NTAN1: variants seen among roughly 807,000 people sequenced by gnomAD.
NTAN1 encodes the protein protein N-terminal asparagine amidohydrolase.
Under a neutral mutation model 41.9 loss-of-function variants are expected in NTAN1, and 32 were observed. The ratio of observed to expected loss-of-function variants is 0.76; its 90% confidence interval spans 0.58 to 1.03. NTAN1 has a LOEUF of 1.03. Ranked by LOEUF, NTAN1 falls within the 50% of genes least tolerant of loss-of-function variation. The pLI is 0.00. For synonymous variants in NTAN1, 140 were observed against 139.5 expected (o/e 1.00, Z -0.03); for missense variants, 377 against 377.5 (o/e 1.00, Z 0.01).
rs1215214603 is a variant in NTAN1 at position 15,056,073 on chromosome 16, T to TCGTCCTGCCCCGCCC, written c.-103_-102insGGGCGGGGCAGGACG. ...CGCCCCTCGGGCCGCGCGTCCCGCCTCGTCCTGCCCCGCCCCACCGCGGGC... is the reference window on the plus strand; with the variant it reads ...CGCCCCTCGGGCCGCGCGTCCCGCCTCGTCCTGCCCCGCCCCGTCCTGCCCCGCCCCACCGCGGGC... On this transcript the variant is annotated 5_prime_UTR_variant, in exon 1 of 10. Coordinates refer to ENST00000287706, the MANE Select transcript of NTAN1 (RefSeq NM_173474.4). 7.0e-4 allele frequency: 256 copies of TCGTCCTGCCCCGCCC among 367,456 alleles called. 5 individuals are homozygous for TCGTCCTGCCCCGCCC. In the East Asian group the frequency reaches 0.033, roughly 48 times the overall value. 22.8% of individuals were successfully genotyped at this position (367,456 alleles called of 1,614,324 possible). A position where few individuals can be genotyped will look rare whatever the true frequency, so the allele number is the denominator to read the frequency against.
At chr16:15,042,691 A>AG (rs1278110184) in intron 5 of NTAN1, among the ~76,000 whole-genome samples, 5 of 151,420 alleles carry the variant, frequency 3.3e-5, no homozygotes, top group Non-Finnish European at 7.4e-5. Flanking sequence ...TATTTCCACA[A>AG]GGGGAATTAC....
At chr16:15,040,186 T>G in intron 7 of NTAN1, 120 bp from the exon 8 acceptor site, 1 of 538,918 alleles carries the variant, frequency 1.9e-6, no homozygotes, top group Non-Finnish European at 3.3e-6. Flanking sequence ...GAATGGCTCC[T>G]AAGTATCTGG....
chr16:15,040,199 T>A (rs192292753), intron 7 of NTAN1, 133 bp from the exon 8 acceptor site: 5 of 477,550 alleles, frequency 1.0e-5, no homozygotes, highest in Middle Eastern at 2.9e-4. Context: ...GTATCTGGAC[T>A]TCCCCCTCCC....
chr16:15,038,763 C>T (rs2043666941), intron 8 of NTAN1, 76 bp from the exon 9 acceptor site: 2 of 740,974 alleles, frequency 2.7e-6, no homozygotes, highest in Non-Finnish European at 4.7e-6. Context: ...ACGCAAGCTC[C>T]AGTGTAGTCC....
chr16:15,039,316 C>T (rs2043701048), intron 8 of NTAN1, among the ~76,000 whole-genome samples: 1 of 152,212 alleles, frequency 6.6e-6, no homozygotes, highest in Admixed American at 6.5e-5. Flanking sequence ...CGAATCCAAA[C>T]ACATTTCCCA....
chr16:15,042,937 G>C (rs2043888159), intron 5 of NTAN1, among the ~76,000 whole-genome samples: 1 of 140,096 alleles, frequency 7.1e-6, no homozygotes, highest in Non-Finnish European at 1.5e-5. Flanking sequence ...TTTAGCTCTT[G>C]ATGCCCATGC....
At chr16:15,039,125 AAAG>A (rs879290995) in intron 8 of NTAN1, among the ~76,000 whole-genome samples, 1 of 152,244 alleles carries the variant, frequency 6.6e-6, no homozygotes, top group African/African-American at 2.4e-5. Flanking sequence ...TGCCCCATCA[AAAG>A]AAGAAGCTAA....
chr16:15,049,622 C>T (rs1457877374), intron 1 of NTAN1, among the ~76,000 whole-genome samples: 2 of 151,788 alleles, frequency 1.3e-5, no homozygotes, highest in African/African-American at 2.4e-5. Context: ...AACTGGGTTT[C>T]GCCATGTTGG....
rs749557348 is a variant in NTAN1 at position 15,038,001 on chromosome 16, G to C, written c.*30C>G. 3 of 1,572,974 alleles carry C rather than the reference G, an allele frequency of 1.9e-6. No homozygotes were observed. Among genetic ancestry groups the C allele is most frequent in the Non-Finnish European group, 2.6e-6 (3 of 1,147,900 alleles). ...CCCCACCAATGGTCTGTCAGGCCAAGAAGGTGCTTTCTTTGGTAATTCATG... is the reference window on the plus strand; with the variant it reads ...CCCCACCAATGGTCTGTCAGGCCAACAAGGTGCTTTCTTTGGTAATTCATG... On this transcript the variant is annotated 3_prime_UTR_variant, in exon 10 of 10. Coordinates refer to ENST00000287706, the MANE Select transcript of NTAN1 (RefSeq NM_173474.4).
chr16:15,055,925 G>A lies in NTAN1; in HGVS notation c.47C>T (p.Ala16Val). 14 of 1,232,434 alleles carry A rather than the reference G, an allele frequency of 1.1e-5. No individual in the cohort carries two copies. The highest frequency in any genetic ancestry group is 1.3e-5 in the Non-Finnish European group (13 of 987,342). The allele number at this position is 1,232,434 out of a possible 1,614,324, so 76.3% of individuals were successfully genotyped here. A position where few individuals can be genotyped will look rare whatever the true frequency, so the allele number is the denominator to read the frequency against. Residue 16 changes from alanine (A) to valine (V), a missense_variant, in exon 1 of 10, where the codon GCC becomes GTC. Physicochemically the swap from Ala to Val is moderately conservative, Grantham distance 64 (BLOSUM62 0). Coordinates refer to ENST00000287706, the MANE Select transcript of NTAN1 (RefSeq NM_173474.4). ...CGGGTGGGCTCGGACGAGGTCCCCG[G>A]CTGACTGCGGCAGCCGCACTCGCCG... ...EGRRVRLPQSAGDLVRAHPPL... is the reference protein window; with the variant it reads ...EGRRVRLPQSVGDLVRAHPPL...
rs549727234 is a variant in NTAN1 at position 15,040,298 on chromosome 16, C to T, written c.542-232G>A. ...GACTCGGTGAGATTTTGTTCTAAAC[C>T]AAGAGCTGCTTTCCACATGGGAGGC... On this transcript the variant is annotated intron_variant, in intron 7 of 9. Coordinates refer to ENST00000287706, the MANE Select transcript of NTAN1 (RefSeq NM_173474.4). The T allele has an allele frequency of 1.9e-5, 8 of 416,708 alleles. No homozygotes were observed. The South Asian group carries it at 3.2e-4, about 17-fold the overall frequency. 25.8% of individuals were successfully genotyped at this position (416,708 alleles called of 1,614,324 possible).
chr16:15,051,961 T>G (rs1454434126), intron 1 of NTAN1, among the ~76,000 whole-genome samples: 1 of 152,050 alleles, frequency 6.6e-6, no homozygotes, highest in African/African-American at 2.4e-5. Context: ...CATATGCAAG[T>G]AGTCCCAGTT....
chr16:15,046,697 C>CAA (rs9331444), intron 4 of NTAN1, among the ~76,000 whole-genome samples: 12 of 43,642 alleles, frequency 2.7e-4, no homozygotes, highest in East Asian at 7.9e-4. Flanking sequence ...CTGTCTCTAC[C>CAA]AAAAAAAAAA....
chr16:15,046,652 G>C (rs1209148231), intron 4 of NTAN1, among the ~76,000 whole-genome samples: 1 of 127,086 alleles, frequency 7.9e-6, no homozygotes, highest in Non-Finnish European at 1.6e-5. Context: ...TTGAGCCCAA[G>C]AGTTTAAGAC....
At chr16:15,053,151 C>T (rs1474213781) in intron 1 of NTAN1, among the ~76,000 whole-genome samples, 1 of 152,210 alleles carries the variant, frequency 6.6e-6, no homozygotes, top group Non-Finnish European at 1.5e-5. Context: ...CCTAAGTAAC[C>T]AGATGGCTCG....
rs1001284590 is a variant in NTAN1 at position 15,056,031 on chromosome 16, G to A, written c.-60C>T. ...CGGCGGCCCCCCGCTTTGCAGCCCCGGGCCGCCCGCCGCCCCCGCCCCTCG... is the reference window on the plus strand; with the variant it reads ...CGGCGGCCCCCCGCTTTGCAGCCCCAGGCCGCCCGCCGCCCCCGCCCCTCG... On this transcript the variant is annotated 5_prime_UTR_variant, in exon 1 of 10. Transcript: ENST00000287706. 1.2e-6 allele frequency: 1 copy of A among 837,218 alleles called. No homozygotes were observed. The highest frequency in any genetic ancestry group is 5.1e-5 in the Admixed American group (1 of 19,444). 51.9% of individuals were successfully genotyped at this position (837,218 alleles called of 1,614,324 possible).
intron 7 of NTAN1, 181 bp from the exon 8 acceptor site, chr16:15,040,247 G>A (rs1026248401): frequency 3.0e-5 from 13 of 432,268 alleles, no homozygotes; most frequent in Non-Finnish European, 4.5e-5. Context: ...CAAGCATCTC[G>A]GTGAAAATCG....
chr16:15,041,816 G>A (rs1340776584), intron 5 of NTAN1, 140 bp from the exon 6 acceptor site: 3 of 701,574 alleles, frequency 4.3e-6, no homozygotes, highest in Non-Finnish European at 7.9e-6. Context: ...CACTGCCACA[G>A]CCTGGCCTAT....
intron 1 of NTAN1, among the ~76,000 whole-genome samples, chr16:15,053,883 G>A (rs1393019875): frequency 1.3e-5 from 2 of 152,202 alleles, no homozygotes; most frequent in Admixed American, 6.5e-5. Context: ...CAGCAATCCA[G>A]CCTGGGCCAC....
Sources: gnomAD v4.1 joint callset for allele counts (sites outside exome capture counted in the v4.1 genomes callset) on GRCh38, gnomAD v4.1.1 for gene constraint, MANE v1.5 for transcripts, NCBI Gene and HGNC (gene_info 2026-07-23, HGNC 2026-07-21) for gene names.